Variants in PHACTR2 observed in about 807,000 individuals in gnomAD.
PHACTR2 encodes chromosome 6 open reading frame 56.
A neutral mutation model predicts 76.0 loss-of-function variants in PHACTR2; 30 were observed. That is an observed-to-expected ratio of 0.39 (90% CI 0.30 to 0.54). The LOEUF is 0.54. Ranked by LOEUF, PHACTR2 falls within the 20% of genes least tolerant of loss-of-function variation. The pLI is 0.61. For missense variants in PHACTR2, 696 were observed against 781.1 expected, an observed-to-expected ratio of 0.89 and a Z score of 1.30; for synonymous variants, 292 against 292.5, an observed-to-expected ratio of 1.00 and a Z score of 0.02.
In PHACTR2 at chr6:143,774,022, C is replaced by T. The variant is rs1278485499; in HGVS notation, c.1433-37C>T. ...AACCTGAGTGCCACTGGCTAAAAGC[C>T]TCTCTCTCTGCATTTCTGCTCTTTT... On this transcript the variant is annotated intron_variant, in intron 7 of 12. Coordinates refer to ENST00000440869, the MANE Select transcript of PHACTR2 (RefSeq NM_001100164.2). The surrounding 1 kb of genome is among the most constrained non-coding windows in gnomAD (Gnocchi z 5.4). 2 of 1,591,512 alleles carry T rather than the reference C, an allele frequency of 1.3e-6. No individual in the cohort carries two copies. Among genetic ancestry groups the T allele is most frequent in the African/African-American group, 2.7e-5 (2 of 74,346 alleles).
At chr6:143,813,840 T>G (rs958792581) in intron 12 of PHACTR2, among the ~76,000 whole-genome samples, 22 of 152,152 alleles carry the variant, frequency 1.4e-4, no homozygotes, top group African/African-American at 4.3e-4. Flanking sequence ...TCACATACAG[T>G]GACCCTTGAA....
In PHACTR2 at chr6:143,541,441, G is replaced by T. The variant is rs1781169976; in HGVS notation, c.217+4234G>T. The stretch of plus-strand genomic sequence containing the variant: ...AAAGATGTTTTTATTTTCATGTGAT[G>T]ATGCTTAGTCTTGCACATTGCACAT... On this transcript the variant is annotated intron_variant, in intron 1 of 11. Transcript: ENST00000367584. The surrounding 1 kb of genome is among the most constrained non-coding windows in gnomAD (Gnocchi z 5.3). Among the ~76,000 whole-genome samples the T allele has an allele frequency of 6.6e-6, 1 of 152,210 alleles. No individual in the cohort carries two copies. Among genetic ancestry groups the T allele is most frequent in the Non-Finnish European group, 1.5e-5 (1 of 68,042 alleles).
chr6:143,717,258 G>A (rs1442627473), intron 2 of PHACTR2, among the ~76,000 whole-genome samples: 2 of 152,054 alleles, frequency 1.3e-5, no homozygotes, highest in Non-Finnish European at 2.9e-5. Flanking sequence ...TCATTCAAGG[G>A]TCAGTAACAT....
intron 1 of PHACTR2, among the ~76,000 whole-genome samples, chr6:143,668,759 TCTCTC>T (rs1384179576): frequency 1.3e-5 from 2 of 152,204 alleles, no homozygotes; most frequent in African/African-American, 2.4e-5. Context: ...ATTTGATTCT[TCTCTC>T]TTCTCTTCTT....
rs1327523078 is a variant in PHACTR2, at chr6:143,774,859, T to C, written c.1589+644T>C. On this transcript the variant is annotated intron_variant, in intron 8 of 12. Coordinates refer to ENST00000440869, the MANE Select transcript of PHACTR2 (RefSeq NM_001100164.2). This position sits in a 1 kb window ranked among gnomAD's most constrained non-coding sequence, Gnocchi z 5.4. ...CAACCATTGTATAGGATTTTTGCTTTTGCCACTGGTGACTTTACAAGTCCC... is the reference window on the plus strand; with the variant it reads ...CAACCATTGTATAGGATTTTTGCTTCTGCCACTGGTGACTTTACAAGTCCC... 6.6e-6 allele frequency among the ~76,000 whole-genome samples: 1 copy of C among 152,224 alleles called. No individual in the cohort carries two copies. Among genetic ancestry groups the C allele is most frequent in the African/African-American group, 2.4e-5 (1 of 41,460 alleles).
intron 2 of PHACTR2, among the ~76,000 whole-genome samples, chr6:143,728,216 C>CTTTTTT (rs548709835): frequency 1.7e-4 from 14 of 83,742 alleles, no homozygotes; most frequent in Admixed American, 2.8e-4. Flanking sequence ...TTTTTTCTTT[C>CTTTTTT]TTTTTTTTTT....
rs367922011 is a variant in PHACTR2 at position 143,765,905 on chromosome 6, T to C, written c.1232+107T>C. The C allele has an allele frequency of 4.3e-6, 4 of 926,170 alleles. No homozygotes were observed. Among genetic ancestry groups the C allele is most frequent in the Admixed American group, 2.6e-5 (1 of 38,276 alleles). The allele number at this position is 926,170 out of a possible 1,614,324, so 57.4% of individuals were successfully genotyped here. ...TGCTTTCTTATATAATTTAATCTAC[T>C]GAGTGTTAGGTAGGCATACATGTGA... is the stretch of plus-strand genomic sequence containing the variant. On this transcript the variant is annotated intron_variant, in intron 6 of 12. Transcript: ENST00000440869. The surrounding 1 kb of genome is among the most constrained non-coding windows in gnomAD (Gnocchi z 4.1).
At position 143,733,867 on chromosome 6, in the gene PHACTR2, A is replaced by T. The variant is rs546320046; in HGVS notation, c.215-15118A>T. 6.6e-6 allele frequency among the ~76,000 whole-genome samples: 1 copy of T among 152,228 alleles called. No homozygotes were observed. The highest frequency in any genetic ancestry group is 1.5e-5 in the Non-Finnish European group (1 of 68,038). On this transcript the variant is annotated intron_variant, in intron 2 of 12. Transcript: ENST00000440869. The surrounding 1 kb of genome is among the most constrained non-coding windows in gnomAD (Gnocchi z 4.0). ...GTGCTAGAAATTCTGTGGGCAAGAGATATTATATAATAATTTTATTACGTA... is the reference window on the plus strand; with the variant it reads ...GTGCTAGAAATTCTGTGGGCAAGAGTTATTATATAATAATTTTATTACGTA...
intron 9 of PHACTR2, among the ~76,000 whole-genome samples, chr6:143,779,584 G>A (rs1775369655): frequency 1.3e-5 from 2 of 152,004 alleles, no homozygotes; most frequent in East Asian, 1.9e-4. Flanking sequence ...TCCTGACTTC[G>A]TGATTCGCCC....
chr6:143,773,501 T>C (rs1230060923), intron 7 of PHACTR2, among the ~76,000 whole-genome samples: 1 of 151,362 alleles, frequency 6.6e-6, no homozygotes, highest in Non-Finnish European at 1.5e-5. Context: ...AAATGGCACT[T>C]TTTCAAATCC....
Position 143,618,879 on chromosome 6 carries a change from G to A in PHACTR2, c.13+10557G>A, listed in dbSNP as rs1278231009. ...CAGATATACCATCATGCTGCTTCAC[G>A]TGCTCCTCAAGAACAGGGCCACGTC... On this transcript the variant is annotated intron_variant, in intron 1 of 11. Transcript: ENST00000305766. This position sits in a 1 kb window ranked among gnomAD's most constrained non-coding sequence, Gnocchi z 5.2. Among the ~76,000 whole-genome samples, 3 of 151,966 alleles carry A rather than the reference G, an allele frequency of 2.0e-5. No individual in the cohort carries two copies. The highest frequency in any genetic ancestry group is 1.9e-4 in the East Asian group (1 of 5,160).
Position 143,652,314 on chromosome 6 carries a change from A to G in PHACTR2, c.13+43992A>G, listed in dbSNP as rs912707264. On this transcript the variant is annotated intron_variant, in intron 1 of 11. Transcript: ENST00000305766. This position sits in a 1 kb window ranked among gnomAD's most constrained non-coding sequence, Gnocchi z 4.5. The stretch of plus-strand genomic sequence containing the variant: ...TTAGTGATTAAGTGTACAATCCCCA[A>G]TAAAATATTTTGAAGTTTTTCCAAA... Among the ~76,000 whole-genome samples the G allele has an allele frequency of 6.6e-6, 1 of 152,216 alleles. No individual in the cohort carries two copies.
chr6:143,626,385 A>G lies in PHACTR2; in HGVS notation c.13+18063A>G, dbSNP rs1033163657. Among the ~76,000 whole-genome samples, 131 of 152,174 alleles carry G rather than the reference A, an allele frequency of 8.6e-4. 2 individuals are homozygous for G. Among genetic ancestry groups the G allele is most frequent in the African/African-American group, 2.8e-3 (115 of 41,500 alleles). On this transcript the variant is annotated intron_variant, in intron 1 of 11. Transcript: ENST00000305766. ...ACCCCGTCTCTACTGAAAATAAAAA[A>G]AATTAGCCGGGCGCGGTGGTGGGCG...
At chr6:143,622,088 GTT>G (rs1776164045) in intron 1 of PHACTR2, among the ~76,000 whole-genome samples, 1 of 152,204 alleles carries the variant, frequency 6.6e-6, no homozygotes. Flanking sequence ...GTGGGCTGGA[GTT>G]TGTGAATTTT....
At chr6:143,650,485 C>T (rs1263237978) in intron 1 of PHACTR2, among the ~76,000 whole-genome samples, 1 of 152,122 alleles carries the variant, frequency 6.6e-6, no homozygotes, top group East Asian at 1.9e-4. Flanking sequence ...AGAACAGACA[C>T]ATAAACCAAT....
intron 1 of PHACTR2, among the ~76,000 whole-genome samples, chr6:143,620,224 T>G (rs2128439758): frequency 6.6e-6 from 1 of 152,290 alleles, no homozygotes; most frequent in East Asian, 1.9e-4. Context: ...TATGTCAGTC[T>G]TTTTGTCACA....
rs1370930193 is a variant in PHACTR2 at position 143,827,779 on chromosome 6, C to G, written c.*4090C>G. The G allele has an allele frequency of 6.6e-6, 1 of 152,140 alleles. No homozygotes were observed. Among genetic ancestry groups the G allele is most frequent in the African/African-American group, 2.4e-5 (1 of 41,430 alleles). The allele number at this position is 152,140 out of a possible 1,614,324, so 9.4% of individuals were successfully genotyped here. ...GATCTTTCACTACTGTGTAGGTAGT[C>G]TCTACTTACTGGTAGGATAGATTAC... On this transcript the variant is annotated 3_prime_UTR_variant, in exon 13 of 13. Coordinates refer to ENST00000440869, the MANE Select transcript of PHACTR2 (RefSeq NM_001100164.2).
At chr6:143,736,248 T>C (rs62427409) in intron 2 of PHACTR2, among the ~76,000 whole-genome samples, 18,346 of 152,194 alleles carry the variant, frequency 0.12, 1,384 homozygotes, top group Middle Eastern at 0.2. Context: ...TACCCTATGA[T>C]GCAGGTTACT....
chr6:143,721,931 T>G (rs1221851647), intron 2 of PHACTR2, among the ~76,000 whole-genome samples: 18 of 152,294 alleles, frequency 1.2e-4, no homozygotes. Flanking sequence ...GTGTTCTTTC[T>G]TAGCTATTTT....
Sources: gnomAD v4.1 joint callset for allele counts (sites outside exome capture counted in the v4.1 genomes callset) on GRCh38, gnomAD v4.1.1 for gene constraint, Gnocchi (gnomAD v3.1) non-coding constraint, MANE v1.5 for transcripts, NCBI Gene and HGNC (gene_info 2026-07-23, HGNC 2026-07-21) for gene names.